The following RCAN1 variants were observed in gnomAD, a reference collection of about 807,000 sequenced individuals.
RCAN1 encodes calcipressin-1.
A neutral mutation model predicts 22.9 loss-of-function variants in RCAN1; 11 were observed. The observed-to-expected ratio is 0.48, with a 90% confidence interval of 0.30 to 0.79. The LOEUF (loss-of-function observed/expected upper bound fraction) is 0.79, where lower values mean the gene tolerates loss of function less well. Among genes scored for constraint, RCAN1 ranks in the 30% least tolerant of loss-of-function variants. The probability of loss-of-function intolerance (pLI) is 0.06; values close to 1 mark genes in which losing one functional copy is unlikely to be tolerated. For missense variants in RCAN1, 291 were observed against 337.8 expected, an observed-to-expected ratio of 0.86 and a Z score of 1.09; for synonymous variants, 136 against 142.3, an observed-to-expected ratio of 0.96 and a Z score of 0.32.
intron 1 of RCAN1, among the ~76,000 whole-genome samples, chr21:34,568,836 A>G (rs1376547229): frequency 6.6e-6 from 1 of 152,174 alleles, no homozygotes; most frequent in African/African-American, 2.4e-5. Flanking sequence ...CACGTTGCTG[A>G]TAAAGATATA....
intron 1 of RCAN1, among the ~76,000 whole-genome samples, chr21:34,567,211 C>T (rs530403261): frequency 7.2e-5 from 11 of 152,292 alleles, no homozygotes; most frequent in South Asian, 2.1e-4. Flanking sequence ...AAGAAACCCC[C>T]GAGGCTGGGC....
At chr21:34,581,362 T>C (rs2123697716) in intron 1 of RCAN1, among the ~76,000 whole-genome samples, 1 of 152,172 alleles carries the variant, frequency 6.6e-6, no homozygotes, top group Non-Finnish European at 1.5e-5. Flanking sequence ...AGACTACAAG[T>C]TAAGGAGTAT....
In RCAN1 at chr21:34,523,640, C is replaced by T. The variant is rs764845811; in HGVS notation, c.323G>A (p.Arg108Gln). ...GGGGTTGCTGAAGTTTATTCTGACT[C>T]GTTTGAAGCTCTTAAAATACTGAAA... ...ITFQYFKSFK[R>Q]VRINFSNPFS... Residue 108 changes from arginine (R) to glutamine (Q), a missense_variant, in exon 2 of 4, where the codon CGA (arginine) becomes CAA (glutamine). Transcript: ENST00000313806. 1.1e-5 allele frequency: 17 copies of T among 1,613,964 alleles called. No homozygotes were observed. The Admixed American group carries it at 1.5e-4, about 14-fold the overall frequency.
chr21:34,584,040 T>C (rs947574677), intron 1 of RCAN1, among the ~76,000 whole-genome samples: 2 of 152,242 alleles, frequency 1.3e-5, no homozygotes, highest in Admixed American at 6.5e-5. Flanking sequence ...TCCTCCTGAA[T>C]GGAATAAGGG....
At chr21:34,610,930 A>G (rs1458299134) in intron 1 of RCAN1, among the ~76,000 whole-genome samples, 3 of 152,246 alleles carry the variant, frequency 2.0e-5, no homozygotes, top group Non-Finnish European at 4.4e-5. Flanking sequence ...AAGTTTACTC[A>G]AGCGAAAAGA....
intron 1 of RCAN1, among the ~76,000 whole-genome samples, chr21:34,570,492 G>A (rs1987195752): frequency 6.6e-6 from 1 of 152,230 alleles, no homozygotes; most frequent in Non-Finnish European, 1.5e-5. Flanking sequence ...AAAGCAGCAT[G>A]ACTGACGTCT....
At chr21:34,560,850 T>C (rs1326046627) in intron 1 of RCAN1, among the ~76,000 whole-genome samples, 1 of 152,132 alleles carries the variant, frequency 6.6e-6, no homozygotes, top group Non-Finnish European at 1.5e-5. Context: ...GTAAGGCCAT[T>C]CTGACTATAA....
intron 1 of RCAN1, among the ~76,000 whole-genome samples, chr21:34,529,078 C>A (rs570565687): frequency 6.6e-6 from 1 of 152,034 alleles, no homozygotes; most frequent in Non-Finnish European, 1.5e-5. Flanking sequence ...TTGAATTGAT[C>A]GGTTCTATCT....
chr21:34,614,676 G>T lies in RCAN1; in HGVS notation c.252+84C>A. On this transcript the variant is annotated intron_variant, in intron 1 of 3. Coordinates refer to ENST00000313806, the MANE Select transcript of RCAN1 (RefSeq NM_004414.7). This position sits in a 1 kb window ranked among gnomAD's most constrained non-coding sequence, Gnocchi z 6.0. ...GCCTCCCCGCCCCGCGCGCGGCCGG[G>T]ACTGGGCGCTGCGACCCGCGCCGCC... 8.0e-7 allele frequency: 1 copy of T among 1,251,164 alleles called. No individual in the cohort carries two copies. Among genetic ancestry groups the T allele is most frequent in the South Asian group, 2.2e-5 (1 of 44,552 alleles). The allele number at this position is 1,251,164 out of a possible 1,614,324, so 77.5% of individuals were successfully genotyped here. A position where few individuals can be genotyped will look rare whatever the true frequency, so the allele number is the denominator to read the frequency against.
chr21:34,601,471 G>C (rs1053116555), intron 1 of RCAN1, among the ~76,000 whole-genome samples: 1 of 152,154 alleles, frequency 6.6e-6, no homozygotes, highest in Non-Finnish European at 1.5e-5. Context: ...GCTGTACATT[G>C]ATGTAGTTTA....
At chr21:34,601,135 A>G (rs1451811680) in intron 1 of RCAN1, among the ~76,000 whole-genome samples, 2 of 152,242 alleles carry the variant, frequency 1.3e-5, no homozygotes, top group African/African-American at 2.4e-5. Context: ...TGATACACAA[A>G]TATTTATTAA....
chr21:34,536,438 G>A (rs191263260), intron 1 of RCAN1, among the ~76,000 whole-genome samples: 116 of 152,318 alleles, frequency 7.6e-4, no homozygotes, highest in Middle Eastern at 6.8e-3. Flanking sequence ...CAGGCCCAGG[G>A]AACACCAGTG....
At chr21:34,563,754 C>CAAAAAAAA (rs58299654) in intron 1 of RCAN1, among the ~76,000 whole-genome samples, 1 of 44,316 alleles carries the variant, frequency 2.3e-5, no homozygotes, top group African/African-American at 9.9e-5. Context: ...CTAAAAATAC[C>CAAAAAAAA]AAAAAAAAAA....
intron 1 of RCAN1, among the ~76,000 whole-genome samples, chr21:34,532,898 A>C (rs543689313): frequency 5.9e-5 from 9 of 152,278 alleles, no homozygotes; most frequent in African/African-American, 1.7e-4. Flanking sequence ...CCACCTTATC[A>C]GTCTCATTTA....
chr21:34,568,505 G>A lies in RCAN1; in HGVS notation c.253-44795C>T, dbSNP rs116339152. Among the ~76,000 whole-genome samples, 622 of 152,326 alleles carry A rather than the reference G, an allele frequency of 4.1e-3. 6 individuals are homozygous for A. Among genetic ancestry groups the A allele is most frequent in the African/African-American group, 0.014 (583 of 41,592 alleles). On this transcript the variant is annotated intron_variant, in intron 1 of 3. Coordinates refer to ENST00000313806, the MANE Select transcript of RCAN1 (RefSeq NM_004414.7). ...TGTTGGCGAGATGGCAGCGATGCCC[G>A]GAGTCACGGTGTGTTTGTGCCACCT...
intron 1 of RCAN1, among the ~76,000 whole-genome samples, chr21:34,541,594 G>C (rs929117867): frequency 6.6e-6 from 1 of 152,212 alleles, no homozygotes; most frequent in South Asian, 2.1e-4. Flanking sequence ...CGGATGTCCT[G>C]GATTTCTTAG....
At chr21:34,583,178 C>CT (rs10708288) in intron 1 of RCAN1, among the ~76,000 whole-genome samples, 3,215 of 114,300 alleles carry the variant, frequency 0.028, 113 homozygotes, top group African/African-American at 0.076. Flanking sequence ...GCGATAGGGC[C>CT]TTTTTTTTTT....
chr21:34,549,419 A>C (rs991867415), intron 1 of RCAN1, among the ~76,000 whole-genome samples: 15 of 152,140 alleles, frequency 9.9e-5, no homozygotes, highest in Non-Finnish European at 1.5e-4. Flanking sequence ...GTGATGTTCT[A>C]ATCTGCTTTT....
At chr21:34,537,519 G>A (rs1307972886) in intron 1 of RCAN1, among the ~76,000 whole-genome samples, 3 of 152,244 alleles carry the variant, frequency 2.0e-5, no homozygotes, top group Admixed American at 6.5e-5. Context: ...CTGTGGCCGA[G>A]CAGATGCCCC....
Sources: gnomAD v4.1 joint callset for allele counts (sites outside exome capture counted in the v4.1 genomes callset) on GRCh38, gnomAD v4.1.1 for gene constraint, Gnocchi (gnomAD v3.1) non-coding constraint, MANE v1.5 for transcripts, NCBI Gene and HGNC (gene_info 2026-07-23, HGNC 2026-07-21) for gene names.